FREM3: variants seen among roughly 807,000 people sequenced by gnomAD.
The protein encoded by FREM3 is FRAS1-related extracellular matrix protein 3.
Under a neutral mutation model 129.1 loss-of-function variants are expected in FREM3, and 105 were observed. The observed-to-expected ratio is 0.81, with a 90% CI of 0.69 to 0.96. The LOEUF is 0.96. Among genes scored for constraint, FREM3 ranks in the 40% least tolerant of loss-of-function variants. The probability of loss-of-function intolerance (pLI) is 0.00; values close to 1 mark genes in which losing one functional copy is unlikely to be tolerated. For missense variants in FREM3, 2,593 were observed against 2,666.3 expected (o/e 0.97, Z 0.61); for synonymous variants, 1,014 against 1,044.9 (o/e 0.97, Z 0.57).
At chr4:143,584,081 A>T (rs1244113438) in intron 7 of FREM3, among the ~76,000 whole-genome samples, 1 of 152,234 alleles carries the variant, frequency 6.6e-6, no homozygotes, top group East Asian at 1.9e-4. Context: ...ACATGCAATG[A>T]CAGTCATAGG....
intron 6 of FREM3, among the ~76,000 whole-genome samples, chr4:143,594,794 T>C (rs1738438299): frequency 6.6e-6 from 1 of 152,216 alleles, no homozygotes; most frequent in African/African-American, 2.4e-5. Flanking sequence ...GTATTGAGCA[T>C]CAGGAGATCT....
intron 2 of FREM3, among the ~76,000 whole-genome samples, chr4:143,653,171 A>T (rs1026319491): frequency 6.6e-6 from 1 of 152,168 alleles, no homozygotes; most frequent in African/African-American, 2.4e-5. Flanking sequence ...AAAAACACAT[A>T]TCTCACAGCT....
chr4:143,617,285 A>T (rs1474920073), intron 5 of FREM3, among the ~76,000 whole-genome samples: 1 of 152,000 alleles, frequency 6.6e-6, no homozygotes, highest in Non-Finnish European at 1.5e-5. Context: ...GGGGTCACAG[A>T]TGGAGGTGGT....
At chr4:143,658,637 G>A (rs936890981) in intron 2 of FREM3, among the ~76,000 whole-genome samples, 3 of 152,118 alleles carry the variant, frequency 2.0e-5, no homozygotes, top group Admixed American at 6.5e-5. Flanking sequence ...GCCCCTGGGC[G>A]GCATGCGGCC....
chr4:143,686,849 G>T (rs1244828675), intron 2 of FREM3, among the ~76,000 whole-genome samples: 1 of 151,938 alleles, frequency 6.6e-6, no homozygotes, highest in East Asian at 1.9e-4. Flanking sequence ...AAAGTTCATA[G>T]CCCTAAACAC....
At chr4:143,683,662 G>A (rs1232558880) in intron 2 of FREM3, among the ~76,000 whole-genome samples, 1 of 152,198 alleles carries the variant, frequency 6.6e-6, no homozygotes, top group Non-Finnish European at 1.5e-5. Flanking sequence ...GAAGCCTCCT[G>A]GCCAGAACCC....
chr4:143,625,873 C>G (rs1739029190), intron 3 of FREM3, among the ~76,000 whole-genome samples: 1 of 152,104 alleles, frequency 6.6e-6, no homozygotes, highest in Non-Finnish European at 1.5e-5. Flanking sequence ...TGGCGGTATG[C>G]CAAGAACTGT....
chr4:143,590,054 A>T (rs1360273145), intron 6 of FREM3, among the ~76,000 whole-genome samples: 1 of 152,090 alleles, frequency 6.6e-6, no homozygotes, highest in Non-Finnish European at 1.5e-5. Context: ...TTATTGGTGT[A>T]TAAGAATGCT....
rs998896744 is a variant in FREM3, at chr4:143,699,947, C to T, written c.729G>A (p.Glu243=). ...PLPRGKGVDC[E]AFLRAGVRYQ... The stretch of plus-strand genomic sequence containing the variant: ...AGCGCACCCCAGCACGGAGGAAAGC[C>T]TCACAGTCTACGCCCTTGCCCCTGG... Residue 243 remains glutamate (E), a synonymous_variant, in exon 1 of 8, where the codon GAG becomes GAA. Coordinates refer to ENST00000329798, the MANE Select transcript of FREM3 (RefSeq NM_001168235.2). This position sits in a 1 kb window ranked among gnomAD's most constrained non-coding sequence, Gnocchi z 4.2. 1 of 1,531,042 alleles carries T rather than the reference C, an allele frequency of 6.5e-7. No individual in the cohort carries two copies. The highest frequency in any genetic ancestry group is 2.4e-5 in the East Asian group (1 of 40,848). The allele number at this position is 1,531,042 out of a possible 1,614,324, so 94.8% of individuals were successfully genotyped here. A position where few individuals can be genotyped will look rare whatever the true frequency, so the allele number is the denominator to read the frequency against.
chr4:143,656,649 G>A (rs1255536693), intron 2 of FREM3, among the ~76,000 whole-genome samples: 3 of 152,112 alleles, frequency 2.0e-5, no homozygotes, highest in East Asian at 3.9e-4. Flanking sequence ...TGCTAAGGCC[G>A]AGAGTAGGGA....
At position 143,585,809 on chromosome 4, in the gene FREM3, A is replaced by T. The variant is rs1387455611; in HGVS notation, c.6178+35T>A. On this transcript the variant is annotated intron_variant, in intron 7 of 7. Coordinates refer to ENST00000329798, the MANE Select transcript of FREM3 (RefSeq NM_001168235.2). This position sits in a 1 kb window ranked among gnomAD's most constrained non-coding sequence, Gnocchi z 4.2. ...CTAGACTCCACCATAAACATGTATC[A>T]TGATAATGATATATTCTTTAAGTGG... 6.5e-7 allele frequency: 1 copy of T among 1,532,872 alleles called. No individual in the cohort carries two copies. The highest frequency in any genetic ancestry group is 1.4e-5 in the African/African-American group (1 of 72,946). The allele number at this position is 1,532,872 out of a possible 1,614,324, so 95.0% of individuals were successfully genotyped here. A position where few individuals can be genotyped will look rare whatever the true frequency, so the allele number is the denominator to read the frequency against.
intron 2 of FREM3, among the ~76,000 whole-genome samples, chr4:143,678,705 A>C (rs1229294905): frequency 6.6e-6 from 1 of 152,128 alleles, no homozygotes; most frequent in Non-Finnish European, 1.5e-5. Context: ...AGCCAAGATT[A>C]AAAGTTCAAA....
At chr4:143,663,992 G>A (rs1020151494) in intron 2 of FREM3, among the ~76,000 whole-genome samples, 5 of 151,978 alleles carry the variant, frequency 3.3e-5, no homozygotes, top group African/African-American at 4.8e-5. Flanking sequence ...TCATCTAAAT[G>A]TTTTTCAAAG....
intron 2 of FREM3, among the ~76,000 whole-genome samples, chr4:143,663,557 T>C (rs1739785580): frequency 6.6e-6 from 1 of 152,120 alleles, no homozygotes; most frequent in Non-Finnish European, 1.5e-5. Context: ...TGACAATTTA[T>C]GTGTCTTGGA....
intron 2 of FREM3, among the ~76,000 whole-genome samples, chr4:143,634,541 C>A (rs1321843232): frequency 1.3e-5 from 2 of 152,042 alleles, no homozygotes; most frequent in Middle Eastern, 3.2e-3. Flanking sequence ...CTGGCCACCC[C>A]TGGACTTTGA....
intron 2 of FREM3, among the ~76,000 whole-genome samples, chr4:143,672,464 G>T (rs1465985439): frequency 6.6e-6 from 1 of 152,212 alleles, no homozygotes; most frequent in Admixed American, 6.5e-5. Context: ...TGTTTCAGCT[G>T]TTAGTCTGAT....
At position 143,585,742 on chromosome 4, in the gene FREM3, A is replaced by G; in HGVS notation, c.6178+102T>C. On this transcript the variant is annotated intron_variant, in intron 7 of 7. Transcript: ENST00000329798. This position sits in a 1 kb window ranked among gnomAD's most constrained non-coding sequence, Gnocchi z 4.2. The stretch of plus-strand genomic sequence containing the variant: ...GCTGAAGCCAGAGAAACTTTCATTC[A>G]GAGTCCATCAACAAAGACTAAGCAT... The G allele has an allele frequency of 8.4e-7, 1 of 1,186,430 alleles. No homozygotes were observed. The highest frequency in any genetic ancestry group is 1.2e-6 in the Non-Finnish European group (1 of 867,030). 73.5% of individuals were successfully genotyped at this position (1,186,430 alleles called of 1,614,324 possible).
intron 2 of FREM3, 47 bp downstream of exon 2, chr4:143,693,066 G>C: frequency 9.9e-7 from 1 of 1,009,010 alleles, no homozygotes; most frequent in Non-Finnish European, 1.4e-6. Context: ...ATTTTATGTT[G>C]ATTTTAGTTA....
intron 6 of FREM3, among the ~76,000 whole-genome samples, chr4:143,590,025 T>C (rs1475001149): frequency 1.3e-5 from 2 of 152,264 alleles, no homozygotes; most frequent in Non-Finnish European, 2.9e-5. Context: ...AGTTCACTCA[T>C]GATTTGGCTC....
Sources: gnomAD v4.1 joint callset for allele counts (sites outside exome capture counted in the v4.1 genomes callset) on GRCh38, gnomAD v4.1.1 for gene constraint, Gnocchi (gnomAD v3.1) non-coding constraint, MANE v1.5 for transcripts, NCBI Gene and HGNC (gene_info 2026-07-23, HGNC 2026-07-21) for gene names.